The following APBA2 variants were observed in gnomAD, a reference collection of about 807,000 sequenced individuals.
The protein encoded by APBA2 is amyloid beta precursor protein binding family A member 2, also known as amyloid-beta A4 precursor protein-binding family A member 2.
A neutral mutation model predicts 75.0 loss-of-function variants in APBA2; 30 were observed. The ratio of observed to expected loss-of-function variants is 0.40; its 90% CI spans 0.30 to 0.54. APBA2 has a LOEUF of 0.54. Among genes scored for constraint, APBA2 ranks in the 20% least tolerant of loss-of-function variants. The probability of loss-of-function intolerance (pLI) is 0.49; values close to 1 mark genes in which losing one functional copy is unlikely to be tolerated. For synonymous variants in APBA2, 444 were observed against 409.6 expected (o/e 1.08, Z -1.01); for missense variants, 801 against 1,016.1 (o/e 0.79, Z 2.88).
At chr15:29,003,112 G>C (rs79949634) in intron 3 of APBA2, among the ~76,000 whole-genome samples, 1 of 150,932 alleles carries the variant, frequency 6.6e-6, no homozygotes, top group Admixed American at 6.6e-5. Flanking sequence ...TAGATGGCTT[G>C]GGAGAAGCCC....
chr15:29,065,382 A>G (rs564693661), intron 4 of APBA2, among the ~76,000 whole-genome samples: 1 of 152,290 alleles, frequency 6.6e-6, no homozygotes, highest in East Asian at 1.9e-4. Context: ...CTTGCCCAAG[A>G]TGTGATAGCG....
Position 29,046,422 on chromosome 15 carries a change from G to A in APBA2, c.-40-7423G>A, listed in dbSNP as rs2041334484. On this transcript the variant is annotated intron_variant, in intron 3 of 14. Coordinates refer to ENST00000683413, the MANE Select transcript of APBA2 (RefSeq NM_001353788.2). This position sits in a 1 kb window ranked among gnomAD's most constrained non-coding sequence, Gnocchi z 5.0. Reference sequence around the variant, plus strand: ...CTTTGCCCTTGTTTGAAGAAGCTGGGGACAGTTGTCCTTGCTCTCCACCCC... The same window carrying A: ...CTTTGCCCTTGTTTGAAGAAGCTGGAGACAGTTGTCCTTGCTCTCCACCCC... 1.3e-5 allele frequency among the ~76,000 whole-genome samples: 2 copies of A among 152,140 alleles called. No homozygotes were observed. Among genetic ancestry groups the A allele is most frequent in the Admixed American group, 1.3e-4 (2 of 15,282 alleles).
intron 3 of APBA2, among the ~76,000 whole-genome samples, chr15:29,008,133 A>G (rs1268131702): frequency 6.6e-6 from 1 of 152,234 alleles, no homozygotes; most frequent in Non-Finnish European, 1.5e-5. Flanking sequence ...GAAGCCAGAT[A>G]GAATAGCACA....
At chr15:29,107,751 G>A (rs577839577) in intron 12 of APBA2, among the ~76,000 whole-genome samples, 74 of 152,264 alleles carry the variant, frequency 4.9e-4, no homozygotes, top group Admixed American at 2.6e-3. Context: ...ACCGGACCCC[G>A]GCGGCCTGGC....
At chr15:29,039,838 C>G (rs934202201) in intron 3 of APBA2, among the ~76,000 whole-genome samples, 3 of 152,156 alleles carry the variant, frequency 2.0e-5, no homozygotes, top group Non-Finnish European at 2.9e-5. Context: ...AGCCCACTAT[C>G]GTCCATTCCA....
chr15:28,997,266 CAG>C (rs1376884136), intron 3 of APBA2, among the ~76,000 whole-genome samples: 1 of 152,180 alleles, frequency 6.6e-6, no homozygotes, highest in Non-Finnish European at 1.5e-5. Context: ...GTCCATGAAA[CAG>C]GGTGAAACGT....
At chr15:29,103,871 C>T (rs548947044) in intron 10 of APBA2, among the ~76,000 whole-genome samples, 1 of 152,324 alleles carries the variant, frequency 6.6e-6, no homozygotes, top group East Asian at 1.9e-4. Flanking sequence ...CTGCCCCCGG[C>T]CCTCCTGCCG....
At chr15:28,949,683 G>A (rs2035745793) in intron 2 of APBA2, among the ~76,000 whole-genome samples, 1 of 152,132 alleles carries the variant, frequency 6.6e-6, no homozygotes, top group Non-Finnish European at 1.5e-5. Flanking sequence ...TGCCCAGACT[G>A]TTCTCGAACT....
chr15:29,049,882 A>G (rs2041513845), intron 3 of APBA2, among the ~76,000 whole-genome samples: 1 of 152,208 alleles, frequency 6.6e-6, no homozygotes, highest in Admixed American at 6.5e-5. Flanking sequence ...AAGTTCAGTG[A>G]TTTGGAGGGC....
In APBA2 at chr15:29,098,783, C is replaced by T. The variant is rs116286346; in HGVS notation, c.1338+207C>T. 8.5e-5 allele frequency among the ~76,000 whole-genome samples: 13 copies of T among 152,204 alleles called. No homozygotes were observed. In the South Asian group the frequency reaches 1.2e-3, roughly 15 times the overall value. The stretch of plus-strand genomic sequence containing the variant: ...TGGCGTCACCCCAGGGCTCTGCGGG[C>T]GGGAGGTAGGTGGGAAGACCTGCTG... On this transcript the variant is annotated intron_variant, in intron 9 of 14. Transcript: ENST00000683413.
At chr15:29,108,129 G>A (rs149533857) in intron 12 of APBA2, 141 bp from the exon 13 acceptor site, 158 of 1,248,122 alleles carry the variant, frequency 1.3e-4, no homozygotes, top group Middle Eastern at 8.0e-4. Context: ...AGGGGCTACC[G>A]AGGCTGAGAG....
At chr15:29,095,072 GA>G (rs979892513) in intron 8 of APBA2, among the ~76,000 whole-genome samples, 11 of 145,682 alleles carry the variant, frequency 7.6e-5, no homozygotes, top group African/African-American at 1.0e-4. Flanking sequence ...ATCTCTTAAA[GA>G]AAAAAAAAAG....
chr15:28,972,271 C>T (rs1338954911), intron 2 of APBA2, among the ~76,000 whole-genome samples: 1 of 152,120 alleles, frequency 6.6e-6, no homozygotes, highest in Non-Finnish European at 1.5e-5. Context: ...TAAAACAAGG[C>T]AATGGAACAG....
At chr15:29,110,816 C>T (rs1174463744) in intron 13 of APBA2, among the ~76,000 whole-genome samples, 1 of 152,176 alleles carries the variant, frequency 6.6e-6, no homozygotes, top group African/African-American at 2.4e-5. Context: ...AGCCCAGGTG[C>T]AGGGTTCTGT....
At chr15:28,935,300 C>T (rs2034797278) in intron 2 of APBA2, among the ~76,000 whole-genome samples, 1 of 152,318 alleles carries the variant, frequency 6.6e-6, no homozygotes, top group South Asian at 2.1e-4. Context: ...CAGCACTTCG[C>T]ATGGGTTTGG....
At chr15:29,115,621 G>C (rs767944688) in intron 14 of APBA2, among the ~76,000 whole-genome samples, 2 of 152,178 alleles carry the variant, frequency 1.3e-5, no homozygotes, top group Non-Finnish European at 2.9e-5. Context: ...CCGAGGTTAT[G>C]GTGCCTGTTT....
At chr15:29,072,640 C>T (rs1359212455) in intron 4 of APBA2, among the ~76,000 whole-genome samples, 1 of 152,040 alleles carries the variant, frequency 6.6e-6, no homozygotes, top group Non-Finnish European at 1.5e-5. Context: ...GTGGTCACAG[C>T]CCTCTTGTAG....
At chr15:28,909,771 A>C (rs2033341919) in intron 1 of APBA2, among the ~76,000 whole-genome samples, 1 of 152,216 alleles carries the variant, frequency 6.6e-6, no homozygotes, top group South Asian at 2.1e-4. Context: ...TTGTAAAGCT[A>C]AGAAAAGAGC....
intron 4 of APBA2, among the ~76,000 whole-genome samples, chr15:29,068,021 A>G (rs1266115323): frequency 6.6e-6 from 1 of 152,204 alleles, no homozygotes; most frequent in Non-Finnish European, 1.5e-5. Context: ...TCGACTTACT[A>G]CTGGTCATTC....
Sources: gnomAD v4.1 joint callset for allele counts (sites outside exome capture counted in the v4.1 genomes callset) on GRCh38, gnomAD v4.1.1 for gene constraint, Gnocchi (gnomAD v3.1) non-coding constraint, MANE v1.5 for transcripts, NCBI Gene and HGNC (gene_info 2026-07-23, HGNC 2026-07-21) for gene names.